The following TNS1 variants were observed in gnomAD, a reference collection of about 807,000 sequenced individuals.
TNS1 encodes the protein tensin 1, also known as tensin-1.
In TNS1, 62 loss-of-function variants were observed where a neutral mutation model predicts 168.6. The ratio of observed to expected loss-of-function variants is 0.37; its 90% CI spans 0.30 to 0.45. TNS1 has a LOEUF of 0.45. Ranked by LOEUF, TNS1 falls within the 20% of genes least tolerant of loss-of-function variation. TNS1 has a pLI of 1.00. For missense variants in TNS1, 2,240 were observed against 2,339.4 expected, an observed-to-expected ratio of 0.96 and a Z score of 0.88; for synonymous variants, 934 against 933.2, an observed-to-expected ratio of 1.00 and a Z score of -0.02.
intron 2 of TNS1, among the ~76,000 whole-genome samples, chr2:217,979,329 TC>T (rs1957980540): frequency 6.6e-6 from 1 of 150,948 alleles, no homozygotes; most frequent in African/African-American, 2.4e-5. Context: ...CCAGAACCAC[TC>T]CCACCCATCC....
chr2:217,913,108 A>G (rs113495808), intron 4 of TNS1, among the ~76,000 whole-genome samples: 8,103 of 152,236 alleles, frequency 0.053, 252 homozygotes, highest in Middle Eastern at 0.16. Context: ...CTAGAGAAAG[A>G]GCACTGAGCA....
At chr2:217,815,651 C>T (rs1169844640) in intron 24 of TNS1, among the ~76,000 whole-genome samples, 2 of 152,174 alleles carry the variant, frequency 1.3e-5, no homozygotes, top group Non-Finnish European at 2.9e-5. Flanking sequence ...TCCTCCACCC[C>T]GTGTCCCCCT....
exon 1 of TNS1, chr2:218,010,245 C>T (rs572134660): frequency 5.0e-6 from 2 of 398,756 alleles, no homozygotes; most frequent in South Asian, 2.5e-4. Context: ...AAGAGGTGGA[C>T]CCGCCGCTCC....
chr2:218,026,467 AGAG>A (rs988631467), intron 1 of TNS1, among the ~76,000 whole-genome samples: 4 of 152,208 alleles, frequency 2.6e-5, no homozygotes, highest in South Asian at 2.1e-4. Context: ...ACAGGAGACC[AGAG>A]GAGACCAGGA....
intron 19 of TNS1, among the ~76,000 whole-genome samples, chr2:217,837,483 C>T (rs1457271687): frequency 6.6e-6 from 1 of 152,232 alleles, no homozygotes; most frequent in Non-Finnish European, 1.5e-5. Context: ...ATAGGCACAG[C>T]CACTCTGAGA....
intron 2 of TNS1, among the ~76,000 whole-genome samples, chr2:217,981,203 C>G (rs966297892): frequency 6.6e-6 from 1 of 152,216 alleles, no homozygotes; most frequent in Non-Finnish European, 1.5e-5. Flanking sequence ...GGCAGACCAG[C>G]CCCAGGGACA....
chr2:218,015,261 G>A (rs1958747383), upstream of TNS1, among the ~76,000 whole-genome samples: 1 of 152,146 alleles, frequency 6.6e-6, no homozygotes, highest in South Asian at 2.1e-4. Context: ...AAGTGGCGGT[G>A]CCAGAACTGG....
intron 32 of TNS1, among the ~76,000 whole-genome samples, chr2:217,805,884 C>CCACACA (rs57846949): frequency 0.011 from 1,582 of 147,238 alleles, 21 homozygotes; most frequent in African/African-American, 0.034. Context: ...TATACACACA[C>CCACACA]CACACACACA....
intron 3 of TNS1, among the ~76,000 whole-genome samples, chr2:217,928,755 C>G (rs1430236925): frequency 1.3e-5 from 2 of 152,110 alleles, no homozygotes; most frequent in African/African-American, 4.8e-5. Context: ...ATCCCCAAAG[C>G]TCCAGCTGCC....
rs114035249 is a variant in TNS1 at position 217,805,294 on chromosome 2, G to A, written c.5376-691C>T. On this transcript the variant is annotated intron_variant, in intron 32 of 32. Coordinates refer to ENST00000682258, the MANE Select transcript of TNS1 (RefSeq NM_001387777.1). ...CTCCCAGCCAGCATGTTGCTAATTA[G>A]AGCGAGATGGGGAAATGAGGACAGC... Among the ~76,000 whole-genome samples the A allele has an allele frequency of 6.3e-3, 959 of 151,666 alleles. 11 individuals are homozygous for A. The highest frequency in any genetic ancestry group is 0.022 in the African/African-American group (911 of 41,284).
intron 22 of TNS1, among the ~76,000 whole-genome samples, chr2:217,828,291 G>A (rs546289044): frequency 3.9e-5 from 6 of 152,224 alleles, no homozygotes; most frequent in Admixed American, 6.5e-5. Context: ...CTGGTCAGGA[G>A]AGGGCAAAGT....
At chr2:217,843,591 G>C (rs1419244832) in intron 19 of TNS1, among the ~76,000 whole-genome samples, 3 of 152,126 alleles carry the variant, frequency 2.0e-5, no homozygotes, top group Admixed American at 6.5e-5. Context: ...ATATGCCTTT[G>C]ATGTTTTACA....
chr2:217,842,669 G>C (rs927511866), intron 19 of TNS1, among the ~76,000 whole-genome samples: 3 of 152,020 alleles, frequency 2.0e-5, no homozygotes, highest in Admixed American at 6.6e-5. Flanking sequence ...CCTTCCTAAG[G>C]CTTCTCATGC....
chr2:217,901,987 G>A (rs1368572437), intron 6 of TNS1: 1 of 152,346 alleles, frequency 6.6e-6, no homozygotes, highest in African/African-American at 2.4e-5. Context: ...CAGTGAAGGA[G>A]GGAAGAGCCA....
At chr2:217,936,523 C>T (rs987190639) in intron 3 of TNS1, among the ~76,000 whole-genome samples, 1 of 152,134 alleles carries the variant, frequency 6.6e-6, no homozygotes, top group African/African-American at 2.4e-5. Context: ...TTTCCAGCCC[C>T]AGGGCTGAGG....
intron 18 of TNS1, among the ~76,000 whole-genome samples, chr2:217,868,259 G>A (rs1949460867): frequency 6.6e-6 from 1 of 152,234 alleles, no homozygotes. Flanking sequence ...CTTGCATGCT[G>A]ATGTGTTTTC....
chr2:217,932,378 C>A (rs539361939), intron 3 of TNS1, among the ~76,000 whole-genome samples: 6 of 152,324 alleles, frequency 3.9e-5, no homozygotes, highest in Middle Eastern at 3.4e-3. Context: ...GGGGTGAGAT[C>A]ATCTTTGCAG....
intron 3 of TNS1, among the ~76,000 whole-genome samples, chr2:217,961,694 C>T (rs568153762): frequency 6.6e-6 from 1 of 152,160 alleles, no homozygotes; most frequent in Non-Finnish European, 1.5e-5. Context: ...CCGGTGGGAC[C>T]CCCCCATTCT....
intron 2 of TNS1, among the ~76,000 whole-genome samples, chr2:217,981,299 A>G (rs1322160136): frequency 6.6e-6 from 1 of 152,230 alleles, no homozygotes; most frequent in Non-Finnish European, 1.5e-5. Flanking sequence ...GCCAAAATGC[A>G]TGGCTTGGTA....
Sources: allele counts gnomAD v4.1 joint callset (sites outside exome capture counted in the v4.1 genomes callset), GRCh38; gene constraint gnomAD v4.1.1; transcripts MANE v1.5; gene names NCBI Gene and HGNC (gene_info 2026-07-23, HGNC 2026-07-21).